The following DNHD1 variants were observed in gnomAD, a reference collection of about 807,000 sequenced individuals.
DNHD1 encodes the protein dynein heavy chain domain-containing protein 1.
In DNHD1, 383 loss-of-function variants were observed where a neutral mutation model predicts 458.1. That is an observed-to-expected ratio of 0.84 (90% CI 0.77 to 0.91). The LOEUF is 0.91. DNHD1 is among the 40% of genes least tolerant of loss of function. The probability of loss-of-function intolerance (pLI) is 0.00; values close to 1 mark genes in which losing one functional copy is unlikely to be tolerated. For missense variants in DNHD1, 5,336 were observed against 5,866.1 expected (o/e 0.91, Z 2.95); for synonymous variants, 2,203 against 2,376.9 (o/e 0.93, Z 2.13).
chr11:6,518,938 G>A (rs1001264724), intron 7 of DNHD1, among the ~76,000 whole-genome samples: 37 of 152,164 alleles, frequency 2.4e-4, no homozygotes, highest in African/African-American at 8.7e-4. Context: ...GAACAGGAAA[G>A]CAGGGAAGAC....
chr11:6,546,173 C>T lies in DNHD1; in HGVS notation c.5234C>T (p.Pro1745Leu). The T allele has an allele frequency of 6.4e-7, 1 of 1,550,874 alleles. No homozygotes were observed. Among genetic ancestry groups the T allele is most frequent in the South Asian group, 1.2e-5 (1 of 83,944 alleles). The change falls in exon 21 of 43, where the codon CCC becomes CTC. Residue 1745 changes from proline to leucine, a missense_variant. Pro to Leu is a moderately conservative substitution (Grantham distance 98, BLOSUM62 -3). Coordinates refer to ENST00000254579, the MANE Select transcript of DNHD1 (RefSeq NM_144666.3). ...WLLLEKVHQL[P>L]PGLLSALGQR... ...CTGTTGGAGAAAGTTCATCAGCTGC[C>T]CCCTGGCTTGCTCTCTGCCCTGGGC... is the stretch of plus-strand genomic sequence containing the variant.
At chr11:6,566,807 T>G in intron 35 of DNHD1, 42 bp downstream of exon 35, 1 of 1,600,630 alleles carries the variant, frequency 6.2e-7, no homozygotes, top group Middle Eastern at 1.7e-4. Flanking sequence ...GAGCATTGGA[T>G]GGACCTGGGT....
At chr11:6,523,418 C>T (rs1235807245) in intron 10 of DNHD1, among the ~76,000 whole-genome samples, 2 of 151,730 alleles carry the variant, frequency 1.3e-5, no homozygotes, top group Non-Finnish European at 1.5e-5. Flanking sequence ...TTTTCCTTGC[C>T]GCTCTGTGAG....
At position 6,571,018 on chromosome 11, in the gene DNHD1, C is replaced by G. The variant is rs746769018; in HGVS notation, c.13506C>G (p.Asp4502Glu). Reference sequence around the variant, plus strand: ...AGTTGGTGGGCACGCTACAACGCGACCTTGATTGCCTGTTGCAGCAGCTGA... The same window carrying G: ...AGTTGGTGGGCACGCTACAACGCGAGCTTGATTGCCTGTTGCAGCAGCTGA... The part of the protein sequence containing the change: ...LSQLVGTLQR[D>E]LDCLLQQLKG... Residue 4502 changes from aspartate (D) to glutamate (E), a missense_variant, in exon 42 of 43, where the codon GAC becomes GAG. Physicochemically the swap from Asp to Glu is conservative, Grantham distance 45. Around this residue, in one of 4 missense-constraint regions of DNHD1, gnomAD observed 698 missense variants for 664.9 expected, o/e 1.05. Transcript: ENST00000254579. This position sits in a 1 kb window ranked among gnomAD's most constrained non-coding sequence, Gnocchi z 5.0. 99 of 1,590,554 alleles carry G rather than the reference C, an allele frequency of 6.2e-5. No homozygotes were observed. The highest frequency in any genetic ancestry group is 8.1e-5 in the Non-Finnish European group (94 of 1,165,440).
intron 24 of DNHD1, among the ~76,000 whole-genome samples, chr11:6,552,505 C>A (rs149794844): frequency 6.6e-6 from 1 of 151,960 alleles, no homozygotes; most frequent in Non-Finnish European, 1.5e-5. Flanking sequence ...GCCTGGGTGA[C>A]AAGAGCAAAA....
intron 7 of DNHD1, among the ~76,000 whole-genome samples, chr11:6,512,457 T>G (rs71490197): frequency 6.6e-6 from 1 of 151,524 alleles, no homozygotes; most frequent in Non-Finnish European, 1.5e-5. Context: ...CTCCTGACCT[T>G]GTGATCCGCC....
At position 6,570,940 on chromosome 11, in the gene DNHD1, T is replaced by G; in HGVS notation, c.13428T>G (p.Asn4476Lys). The G allele has an allele frequency of 1.2e-6, 2 of 1,608,944 alleles. No homozygotes were observed. The highest frequency in any genetic ancestry group is 1.7e-6 in the Non-Finnish European group (2 of 1,175,746). ...CCCCGTGGTCAGTGCTGGGGCCAAA[T>G]GCACGGCGGCCTCTGGAGGGCGTCT... Reference protein sequence around the residue: ...SDAPWSVLGPNARRPLEGVLE... With the variant: ...SDAPWSVLGPKARRPLEGVLE... The change falls in exon 42 of 43, where the codon AAT becomes AAG. Residue 4476 changes from asparagine (N) to lysine (K), a missense_variant. Asn to Lys is a moderately conservative substitution (Grantham distance 94). This residue lies in a region of DNHD1 where 698 missense variants were observed against 664.9 expected (regional missense o/e 1.05). Transcript: ENST00000254579.
At chr11:6,544,488 C>T in intron 19 of DNHD1, 86 bp from the exon 20 acceptor site, 1 of 1,194,032 alleles carries the variant, frequency 8.4e-7, no homozygotes, top group African/African-American at 1.5e-5. Context: ...GGTGGGGTAC[C>T]TGAGAGGTCA....
rs1454374966 is a variant in DNHD1 at position 6,515,619 on chromosome 11, T to A, written c.1393-3981T>A. On this transcript the variant is annotated intron_variant, in intron 7 of 42. Coordinates refer to ENST00000254579, the MANE Select transcript of DNHD1 (RefSeq NM_144666.3). Reference sequence around the variant, plus strand: ...CCCCTTCTCTTTTCTGCTTTTTTTTTTACTCCTGTAGAGGCTCTTGTTTCC... The same window carrying A: ...CCCCTTCTCTTTTCTGCTTTTTTTTATACTCCTGTAGAGGCTCTTGTTTCC... 7.2e-5 allele frequency among the ~76,000 whole-genome samples: 11 copies of A among 152,080 alleles called. No individual in the cohort carries two copies. The East Asian group carries it at 1.9e-3, about 27-fold the overall frequency.
At position 6,571,353 on chromosome 11, in the gene DNHD1, G is replaced by A. The variant is rs556750927; in HGVS notation, c.13841G>A (p.Ser4614Asn). The change falls in exon 42 of 43, where the codon AGC (serine) becomes AAC (asparagine). Residue 4614 changes from serine to asparagine, a missense_variant. This residue lies in a region of DNHD1 where 698 missense variants were observed against 664.9 expected (regional missense o/e 1.05). Transcript: ENST00000254579. The surrounding 1 kb of genome is among the most constrained non-coding windows in gnomAD (Gnocchi z 5.0). ...GTGCCCAGCTCGAATTTCCCTGGTA[G>A]CCGAGGCTCGGTCTCCAGTCAGCTC... ...QNVPSSNFPGSRGSVSSQLQY... is the reference protein window; with the variant it reads ...QNVPSSNFPGNRGSVSSQLQY... 5 of 1,612,236 alleles carry A rather than the reference G, an allele frequency of 3.1e-6. No homozygotes were observed. The highest frequency in any genetic ancestry group is 4.2e-6 in the Non-Finnish European group (5 of 1,179,378).
In DNHD1 at chr11:6,568,571, T is replaced by C. The variant is rs1853761847; in HGVS notation, c.12656T>C (p.Leu4219Ser). The change falls in exon 38 of 43, where the codon TTG becomes TCG. Residue 4219 changes from leucine (L) to serine (S), a missense_variant. Transcript: ENST00000254579. ...GTGCCTGCAGAGTCTAGTGCTTCTT[T>C]GCCAGGTGAGGAGCTTAACCCCCTA... is the stretch of plus-strand genomic sequence containing the variant. Reference protein sequence around the residue: ...LIVPAESSASLPAVLTQHSMP... With the variant: ...LIVPAESSASSPAVLTQHSMP... 8 of 1,613,944 alleles carry C rather than the reference T, an allele frequency of 5.0e-6. No homozygotes were observed. The South Asian group carries it at 6.6e-5, about 13-fold the overall frequency.
intron 10 of DNHD1, 159 bp downstream of exon 10, chr11:6,520,448 G>T (rs1284357783): frequency 2.7e-6 from 4 of 1,464,904 alleles, no homozygotes; most frequent in Non-Finnish European, 3.6e-6. Context: ...ATGTGTTGTG[G>T]GTAGAAAGGT....
At position 6,568,828 on chromosome 11, in the gene DNHD1, G is replaced by A; in HGVS notation, c.12825G>A (p.Gln4275=). ...LLLHGLLLHR[Q]LYGTRLQAHR... is the part of the protein sequence containing the mutation. ...TCCATGGCCTCCTGCTACACCGGCA[G>A]CTCTATGGAACAAGGCTGCAGGCAC... The change falls in exon 39 of 43, where the codon CAG becomes CAA. Residue 4275 remains glutamine, a synonymous_variant. Coordinates refer to ENST00000254579, the MANE Select transcript of DNHD1 (RefSeq NM_144666.3). 6.2e-7 allele frequency: 1 copy of A among 1,612,746 alleles called. No individual in the cohort carries two copies. Among genetic ancestry groups the A allele is most frequent in the Middle Eastern group, 1.6e-4 (1 of 6,062 alleles).
intron 18 of DNHD1, among the ~76,000 whole-genome samples, chr11:6,543,771 T>C (rs4758110): frequency 0.99 from 150,905 of 151,972 alleles, 74,935 homozygotes; most frequent in Middle Eastern, 1. Flanking sequence ...ACCAGCCTGA[T>C]GAACATGGTG....
At chr11:6,502,171 A>G (rs1233086497) in intron 3 of DNHD1, among the ~76,000 whole-genome samples, 1 of 152,154 alleles carries the variant, frequency 6.6e-6, no homozygotes, top group Admixed American at 6.5e-5. Context: ...TAAGAGGATG[A>G]GTGTATTGGT....
chr11:6,559,304 C>T lies in DNHD1; in HGVS notation c.9519+21C>T, dbSNP rs180942303. ...GCAAGGTAAGGAGATGATTTTGAGG[C>T]TTCCATGGTGGTGTCAAAGCAGGAG... On this transcript the variant is annotated intron_variant, in intron 28 of 42. Coordinates refer to ENST00000254579, the MANE Select transcript of DNHD1 (RefSeq NM_144666.3). 1,775 of 1,545,376 alleles carry T rather than the reference C, an allele frequency of 1.1e-3. 39 individuals are homozygous for T. In the Admixed American group the frequency reaches 0.028, roughly 25 times the overall value.
chr11:6,547,173 C>A lies in DNHD1; in HGVS notation c.6234C>A (p.Ile2078=). 1.9e-6 allele frequency: 3 copies of A among 1,551,742 alleles called. No homozygotes were observed. The highest frequency in any genetic ancestry group is 2.6e-6 in the Non-Finnish European group (3 of 1,146,990). The part of the protein sequence containing the change: ...MGQKRQTEES[I]GIQHWIICDG... ...AAAAGAGGCAGACAGAGGAATCAAT[C>A]GGGATCCAGCACTGGATAATATGTG... Residue 2078 remains isoleucine, a synonymous_variant, in exon 21 of 43, where the codon ATC becomes ATA. Transcript: ENST00000254579.
intron 39 of DNHD1, 146 bp from the exon 40 acceptor site, chr11:6,569,863 A>G: frequency 1.6e-6 from 1 of 638,308 alleles, no homozygotes; most frequent in Non-Finnish European, 2.7e-6. Flanking sequence ...GGAAATGATG[A>G]TTTCAGTTGA....
chr11:6,568,856 AG>A lies in DNHD1; in HGVS notation c.12858del (p.Arg4287AlafsTer5), dbSNP rs1853771204. On this transcript the variant is annotated frameshift_variant, in exon 39 of 43. Transcript: ENST00000254579. LOFTEE classifies it high-confidence loss of function. ...QLYGTRLQAHRGRWSQVTLTQ... is the reference protein window; with the variant it reads ...QLYGTRLQAHXGRWSQVTLTQ... ...CTATGGAACAAGGCTGCAGGCACAC[AG>A]GGGGCGCTGGTGAGGGACCCCCACC... The A allele has an allele frequency of 1.2e-6, 2 of 1,609,476 alleles. No homozygotes were observed. Among genetic ancestry groups the A allele is most frequent in the Non-Finnish European group, 1.7e-6 (2 of 1,178,230 alleles).
Sources: allele counts gnomAD v4.1 joint callset (sites outside exome capture counted in the v4.1 genomes callset), GRCh38; gene constraint gnomAD v4.1.1; regional missense constraint gnomAD v4.1.1; non-coding constraint Gnocchi (gnomAD v3.1); transcripts MANE v1.5; gene names NCBI Gene and HGNC (gene_info 2026-07-23, HGNC 2026-07-21).